The following THSD4 variants were observed in gnomAD, a reference collection of about 807,000 sequenced individuals.
THSD4 encodes the protein thrombospondin type 1 domain containing 4.
THSD4 carries 69 observed loss-of-function variants against 119.0 expected under a neutral mutation model. The ratio of observed to expected loss-of-function variants is 0.58; its 90% CI spans 0.48 to 0.71. The LOEUF is 0.71. Ranked by LOEUF, THSD4 falls within the 30% of genes least tolerant of loss-of-function variation. The pLI is 0.00. For missense variants in THSD4, 1,393 were observed against 1,391.1 expected (o/e 1.00, Z -0.02); for synonymous variants, 524 against 540.4 (o/e 0.97, Z 0.42).
intron 6 of THSD4, among the ~76,000 whole-genome samples, chr15:71,270,648 T>C (rs566362767): frequency 6.6e-6 from 1 of 152,248 alleles, no homozygotes; most frequent in South Asian, 2.1e-4. Flanking sequence ...AACTCCAAAG[T>C]CTGGCTACAG....
At chr15:71,530,383 G>A (rs2048589884) in intron 7 of THSD4, among the ~76,000 whole-genome samples, 1 of 152,114 alleles carries the variant, frequency 6.6e-6, no homozygotes, top group Non-Finnish European at 1.5e-5. Flanking sequence ...GAGAAAGCGG[G>A]GAGGAAGGAG....
intron 7 of THSD4, among the ~76,000 whole-genome samples, chr15:71,647,753 G>C (rs2050999090): frequency 6.6e-6 from 1 of 152,188 alleles, no homozygotes; most frequent in South Asian, 2.1e-4. Flanking sequence ...TGTTGTGAGA[G>C]GAAGGGTGGT....
chr15:71,239,426 A>G (rs915248724), intron 4 of THSD4, among the ~76,000 whole-genome samples: 5 of 152,202 alleles, frequency 3.3e-5, no homozygotes, highest in Non-Finnish European at 4.4e-5. Context: ...ACTTACCCAA[A>G]GTTTCCAAAC....
At chr15:71,213,218 C>T (rs1179889794) in intron 3 of THSD4, among the ~76,000 whole-genome samples, 4 of 152,170 alleles carry the variant, frequency 2.6e-5, no homozygotes, top group Admixed American at 1.3e-4. Flanking sequence ...GGCTACACCA[C>T]CCCAATCTCT....
intron 7 of THSD4, among the ~76,000 whole-genome samples, chr15:71,598,738 C>T (rs1488488488): frequency 2.0e-5 from 3 of 152,124 alleles, no homozygotes; most frequent in Admixed American, 2.0e-4. Context: ...CTGCCACAGC[C>T]TCCCTACTAG....
At chr15:71,776,583 T>C (rs965192002) in intron 17 of THSD4, among the ~76,000 whole-genome samples, 4 of 152,168 alleles carry the variant, frequency 2.6e-5, no homozygotes, top group Non-Finnish European at 5.9e-5. Context: ...ATACCGACTT[T>C]GGAGAGCAAA....
chr15:71,684,939 T>A (rs2051875865), intron 8 of THSD4, among the ~76,000 whole-genome samples: 1 of 152,196 alleles, frequency 6.6e-6, no homozygotes, highest in Non-Finnish European at 1.5e-5. Context: ...TATGTTTTCT[T>A]GTTCATCTTA....
Position 71,777,471 on chromosome 15 carries a change from C to T in THSD4, c.*97C>T. On this transcript the variant is annotated 3_prime_UTR_variant, in exon 18 of 18. Transcript: ENST00000261862. ...TGCTGCTCCACCACGGGCCCCCTGGCCCAGGCGCTGCCAACCAACTTAGTC... is the reference window on the plus strand; with the variant it reads ...TGCTGCTCCACCACGGGCCCCCTGGTCCAGGCGCTGCCAACCAACTTAGTC... 1 of 1,486,894 alleles carries T rather than the reference C, an allele frequency of 6.7e-7. No homozygotes were observed. Among genetic ancestry groups the T allele is most frequent in the Non-Finnish European group, 9.0e-7 (1 of 1,117,054 alleles). 92.1% of individuals were successfully genotyped at this position (1,486,894 alleles called of 1,614,324 possible).
chr15:71,468,697 C>T (rs542465992), intron 7 of THSD4, among the ~76,000 whole-genome samples: 1 of 152,198 alleles, frequency 6.6e-6, no homozygotes, highest in South Asian at 2.1e-4. Context: ...ATAAACAGTC[C>T]AGGGCTGTTG....
chr15:71,223,902 G>T (rs2043994259), intron 4 of THSD4, among the ~76,000 whole-genome samples: 2 of 152,112 alleles, frequency 1.3e-5, no homozygotes, highest in South Asian at 4.2e-4. Context: ...GCTTGGTGTG[G>T]CTGGGGGATG....
At chr15:71,676,708 A>G (rs1046220695) in intron 8 of THSD4, among the ~76,000 whole-genome samples, 1 of 152,220 alleles carries the variant, frequency 6.6e-6, no homozygotes, top group South Asian at 2.1e-4. Context: ...ACCTCATACA[A>G]GTAGAATCAC....
At chr15:71,749,200 G>T (rs1474490693) in intron 14 of THSD4, among the ~76,000 whole-genome samples, 1 of 152,276 alleles carries the variant, frequency 6.6e-6, no homozygotes, top group African/African-American at 2.4e-5. Context: ...CCCTGGAGGT[G>T]TGGGCTTAAA....
chr15:71,546,288 C>T (rs535845271), intron 7 of THSD4, among the ~76,000 whole-genome samples: 9 of 152,176 alleles, frequency 5.9e-5, no homozygotes, highest in African/African-American at 1.9e-4. Context: ...CTGTGGCCAC[C>T]AAGAGCCTCA....
At position 71,206,971 on chromosome 15, in the gene THSD4, A is replaced by G. The variant is rs75209353; in HGVS notation, c.100-8064A>G. Among the ~76,000 whole-genome samples, 449 of 152,288 alleles carry G rather than the reference A, an allele frequency of 2.9e-3. 1 individual carries two copies. The highest frequency in any genetic ancestry group is 0.011 in the African/African-American group (441 of 41,550). On this transcript the variant is annotated intron_variant, in intron 3 of 17. Coordinates refer to ENST00000261862, the MANE Select transcript of THSD4 (RefSeq NM_024817.3). ...ATGTCACCTTCCAGGCTCTGTTCCTATGCTACAGAATCTTTACATTATTAT... is the reference window on the plus strand; with the variant it reads ...ATGTCACCTTCCAGGCTCTGTTCCTGTGCTACAGAATCTTTACATTATTAT...
chr15:71,105,417 A>T (rs2040270298), intron 1 of THSD4, among the ~76,000 whole-genome samples: 1 of 152,178 alleles, frequency 6.6e-6, no homozygotes, highest in South Asian at 2.1e-4. Flanking sequence ...TTTTCATAGA[A>T]TTTAATTTCC....
chr15:71,651,517 C>T (rs2051089456), intron 7 of THSD4, among the ~76,000 whole-genome samples: 1 of 152,194 alleles, frequency 6.6e-6, no homozygotes, highest in African/African-American at 2.4e-5. Context: ...GTCCTCTCAG[C>T]CGTCCCTGGA....
chr15:71,655,653 A>G (rs993198126), intron 7 of THSD4, among the ~76,000 whole-genome samples: 8 of 152,162 alleles, frequency 5.3e-5, no homozygotes, highest in African/African-American at 1.9e-4. Context: ...AGGCAGAAAA[A>G]AAATCCCAGG....
intron 7 of THSD4, among the ~76,000 whole-genome samples, chr15:71,561,632 T>G (rs1434488173): frequency 2.0e-5 from 3 of 152,030 alleles, no homozygotes; most frequent in African/African-American, 7.3e-5. Flanking sequence ...AGCTCCAAAT[T>G]CCTTAACCAA....
intron 7 of THSD4, among the ~76,000 whole-genome samples, chr15:71,560,427 A>C (rs558817595): frequency 2.0e-4 from 31 of 152,346 alleles, no homozygotes; most frequent in African/African-American, 7.0e-4. Flanking sequence ...AGGAAACAAC[A>C]AATAGGTTAG....
Sources: allele counts gnomAD v4.1 joint callset (sites outside exome capture counted in the v4.1 genomes callset), GRCh38; gene constraint gnomAD v4.1.1; transcripts MANE v1.5; gene names NCBI Gene and HGNC (gene_info 2026-07-23, HGNC 2026-07-21).